UBXN11: variants seen among roughly 807,000 people sequenced by gnomAD.
The protein encoded by UBXN11 is UBX domain-containing protein 11.
In UBXN11, 47 loss-of-function variants were observed where a neutral mutation model predicts 62.8. That is an observed-to-expected ratio of 0.75 (90% confidence interval 0.59 to 0.95). UBXN11 has a LOEUF of 0.95. Among genes scored for constraint, UBXN11 ranks in the 40% least tolerant of loss-of-function variants. UBXN11 has a pLI of 0.00. For missense variants in UBXN11, 638 were observed against 661.7 expected (o/e 0.96, Z 0.39); for synonymous variants, 294 against 267.0 (o/e 1.10, Z -0.99).
At chr1:26,300,816 G>A (rs111370079) in intron 4 of UBXN11, 110 bp downstream of exon 4, 1 of 1,539,724 alleles carries the variant, frequency 6.5e-7, no homozygotes. Context: ...GGAAGCAGCT[G>A]CCTCAGACCA....
intron 7 of UBXN11, among the ~76,000 whole-genome samples, chr1:26,294,725 C>T (rs1056509443): frequency 2.6e-5 from 4 of 152,146 alleles, no homozygotes; most frequent in African/African-American, 9.7e-5. Context: ...GTGCCAGCCT[C>T]CCTAGGGCTT....
chr1:26,284,266 CG>C, intron 11 of UBXN11, 21 bp from the exon 12 acceptor site: 1 of 1,606,866 alleles, frequency 6.2e-7, no homozygotes, highest in Non-Finnish European at 8.5e-7. Context: ...AGTTGGGAAC[CG>C]GGGCCCAGGA....
At chr1:26,283,025 G>A in intron 12 of UBXN11, 88 bp from the exon 13 acceptor site, 5 of 1,546,726 alleles carry the variant, frequency 3.2e-6, no homozygotes, top group Non-Finnish European at 3.6e-6. Context: ...CCTTGACCAG[G>A]GACAGATGAG....
At chr1:26,308,782 C>T (rs1570143297), upstream of UBXN11, among the ~76,000 whole-genome samples, 1 of 152,084 alleles carries the variant, frequency 6.6e-6, no homozygotes, top group Admixed American at 6.6e-5. Flanking sequence ...AGAACCAGAT[C>T]GTGAGTGGCA....
At chr1:26,306,860 A>G (rs1459700633), upstream of UBXN11, 1 of 108,952 alleles carries the variant, frequency 9.2e-6, no homozygotes, top group African/African-American at 3.7e-5. Flanking sequence ...TCCTACCCTC[A>G]GGTGCGGGAG....
chr1:26,307,624 C>CTTTTTTTTTTTT (rs58120340), upstream of UBXN11, among the ~76,000 whole-genome samples: 1 of 127,926 alleles, frequency 7.8e-6, no homozygotes, highest in African/African-American at 3.0e-5. Context: ...TTTTCTGTTG[C>CTTTTTTTTTTTT]TTTTTTTTTT....
In UBXN11 at chr1:26,301,109, G is replaced by A. The variant is rs1025174454; in HGVS notation, c.101-85C>T. On this transcript the variant is annotated intron_variant, in intron 3 of 14. Coordinates refer to ENST00000374222, the MANE Select transcript of UBXN11 (RefSeq NM_001389556.1). ...CCTGGGCCCTCGCCAGTGTGACGCG[G>A]CCTATGCACTGTGCCCCAGGGAGTT... 1.2e-5 allele frequency: 19 copies of A among 1,602,446 alleles called. No homozygotes were observed. The African/African-American group carries it at 2.2e-4, about 18-fold the overall frequency.
At chr1:26,309,003 G>A (rs2073711605), upstream of UBXN11, among the ~76,000 whole-genome samples, 1 of 146,748 alleles carries the variant, frequency 6.8e-6, no homozygotes, top group Non-Finnish European at 1.5e-5. Flanking sequence ...CACGATCGTG[G>A]CTCGCCACAA....
At chr1:26,314,242 A>G (rs1292003811) in intron 1 of UBXN11, among the ~76,000 whole-genome samples, 1 of 151,898 alleles carries the variant, frequency 6.6e-6, no homozygotes, top group African/African-American at 2.4e-5. Context: ...CTTTTTGGTC[A>G]TGTTGTCTTC....
chr1:26,318,042 C>G (rs1405962485), intron 1 of UBXN11: 1 of 1,614,210 alleles, frequency 6.2e-7, no homozygotes, highest in Non-Finnish European at 8.5e-7. Context: ...CTTCCTCCTA[C>G]TCACCATCAG....
rs1475149825 is a variant in UBXN11 at position 26,301,701 on chromosome 1, A to G, written c.93T>C (p.Tyr31=). The stretch of plus-strand genomic sequence containing the variant: ...AGGGCGGGGCACACTTACCATCTCC[A>G]TAGATGCGGATTCCTCGCCTCCTGG... ...MNPGRRGIRI[Y]GDEDEVDMLS... is the part of the protein sequence containing the mutation. Residue 31 remains tyrosine (Y), a synonymous_variant, in exon 3 of 15, where the codon TAT becomes TAC. Coordinates refer to ENST00000374222, the MANE Select transcript of UBXN11 (RefSeq NM_001389556.1). The G allele has an allele frequency of 1.2e-6, 2 of 1,614,002 alleles. No individual in the cohort carries two copies. The highest frequency in any genetic ancestry group is 2.2e-5 in the East Asian group (1 of 44,884).
chr1:26,294,355 C>CA (rs3832184), intron 7 of UBXN11, 24 bp from the exon 8 acceptor site: 1,434,491 of 1,612,066 alleles, frequency 0.89, 649,202 homozygotes, highest in Non-Finnish European at 0.93. Flanking sequence ...GGGGGAGATG[C>CA]GGGGCACCGT....
chr1:26,294,403 C>A, intron 7 of UBXN11, 72 bp from the exon 8 acceptor site: 6 of 1,576,916 alleles, frequency 3.8e-6, no homozygotes, highest in South Asian at 1.2e-5. Context: ...AGTGTCAGCC[C>A]AAAGCCCAGC....
chr1:26,288,216 C>T (rs2124639879), intron 8 of UBXN11, among the ~76,000 whole-genome samples: 1 of 152,212 alleles, frequency 6.6e-6, no homozygotes, highest in South Asian at 2.1e-4. Flanking sequence ...CCAAATACAC[C>T]AACTCCTAAT....
At chr1:26,294,083 C>T in intron 8 of UBXN11, 122 bp downstream of exon 8, 1 of 1,461,984 alleles carries the variant, frequency 6.8e-7, no homozygotes, top group Non-Finnish European at 9.2e-7. Flanking sequence ...TGTGGGCTCT[C>T]AGGGCGTCTT....
At chr1:26,304,487 T>G (rs965541960) in intron 1 of UBXN11, among the ~76,000 whole-genome samples, 1 of 152,254 alleles carries the variant, frequency 6.6e-6, no homozygotes, top group African/African-American at 2.4e-5. Context: ...GCACGGTGGC[T>G]TACACCTATA....
At chr1:26,296,486 G>A (rs1342922819) in intron 7 of UBXN11, among the ~76,000 whole-genome samples, 1 of 152,214 alleles carries the variant, frequency 6.6e-6, no homozygotes, top group Non-Finnish European at 1.5e-5. Context: ...TTTCAGCAGA[G>A]GGAACAGCAA....
rs2073084827 is a variant in UBXN11 at position 26,284,675 on chromosome 1, G to GT, written c.853-194dup. 15 of 1,354,180 alleles carry GT rather than the reference G, an allele frequency of 1.1e-5. No individual in the cohort carries two copies. The South Asian group carries it at 2.0e-4, about 18-fold the overall frequency. The allele number at this position is 1,354,180 out of a possible 1,614,324, so 83.9% of individuals were successfully genotyped here. On this transcript the variant is annotated intron_variant, in intron 10 of 14. Transcript: ENST00000374222. ...CATCTCCCTCAGCCCTGCTGCTCCT[G>GT]TAAGCACCCCATCCACGCCAGCTGA...
At chr1:26,288,474 C>G (rs1373923452) in intron 8 of UBXN11, among the ~76,000 whole-genome samples, 1 of 152,114 alleles carries the variant, frequency 6.6e-6, no homozygotes, top group Non-Finnish European at 1.5e-5. Flanking sequence ...CAAACCAGCA[C>G]TGAGAGAATG....
Sources: allele counts gnomAD v4.1 joint callset (sites outside exome capture counted in the v4.1 genomes callset), GRCh38; gene constraint gnomAD v4.1.1; transcripts MANE v1.5; gene names NCBI Gene and HGNC (gene_info 2026-07-23, HGNC 2026-07-21).